The following DOCK1 variants were observed in gnomAD, a reference collection of about 807,000 sequenced individuals.
DOCK1 encodes the protein dedicator of cytokinesis protein 1.
A neutral mutation model predicts 262.7 loss-of-function variants in DOCK1; 138 were observed. The observed-to-expected ratio is 0.53, with a 90% CI of 0.46 to 0.61. The LOEUF (loss-of-function observed/expected upper bound fraction) is 0.61, where lower values mean the gene tolerates loss of function less well. Among genes scored for constraint, DOCK1 ranks in the 20% least tolerant of loss-of-function variants. The probability of loss-of-function intolerance (pLI) is 0.00; values close to 1 mark genes in which losing one functional copy is unlikely to be tolerated. For missense variants in DOCK1, 1,908 were observed against 2,370.7 expected, an observed-to-expected ratio of 0.80 and a Z score of 4.05; for synonymous variants, 866 against 867.4, an observed-to-expected ratio of 1.00 and a Z score of 0.03.
At chr10:127,385,073 A>G (rs1413270950) in intron 38 of DOCK1, among the ~76,000 whole-genome samples, 164 bp downstream of exon 38, 1 of 150,860 alleles carries the variant, frequency 6.6e-6, no homozygotes, top group Non-Finnish European at 1.5e-5. Context: ...ACTTAAAAGT[A>G]GAAATCTTCT....
At position 127,005,575 on chromosome 10, in the gene DOCK1, AT is replaced by A. The variant is rs368624805; in HGVS notation, c.986-3154del. On this transcript the variant is annotated intron_variant, in intron 10 of 51. Transcript: ENST00000623213. ...TCTTCGGTTGAAAAGAATGTGTCAC[AT>A]TTCTGTCTTTTAACCTTTTTATAAT... 8.4e-3 allele frequency among the ~76,000 whole-genome samples: 1,272 copies of A among 152,284 alleles called. 9 individuals carry two copies. The highest frequency in any genetic ancestry group is 0.022 in the African/African-American group (916 of 41,560).
intron 40 of DOCK1, among the ~76,000 whole-genome samples, chr10:127,407,171 G>A (rs1423690776): frequency 6.6e-6 from 1 of 152,100 alleles, no homozygotes; most frequent in African/African-American, 2.4e-5. Context: ...ATAAGCTGGG[G>A]CAAGGGAAGG....
intron 1 of DOCK1, among the ~76,000 whole-genome samples, chr10:126,951,419 G>A (rs1450308096): frequency 2.0e-5 from 3 of 151,406 alleles, no homozygotes; most frequent in Non-Finnish European, 4.4e-5. Context: ...ATTAGTGATA[G>A]TGGTGGTGGT....
intron 33 of DOCK1, among the ~76,000 whole-genome samples, chr10:127,365,667 G>A (rs2064866081): frequency 6.6e-6 from 1 of 152,152 alleles, no homozygotes; most frequent in East Asian, 1.9e-4. Flanking sequence ...ATAAGGTCAA[G>A]GGCAGTTAGA....
At chr10:127,200,878 C>T (rs2057421765) in intron 27 of DOCK1, among the ~76,000 whole-genome samples, 1 of 152,140 alleles carries the variant, frequency 6.6e-6, no homozygotes, top group Non-Finnish European at 1.5e-5. Context: ...AAGTCTCAGC[C>T]TCATTTCTCT....
At chr10:127,219,634 C>G (rs11016809) in intron 27 of DOCK1, among the ~76,000 whole-genome samples, 43,387 of 152,070 alleles carry the variant, frequency 0.29, 6,394 homozygotes, top group South Asian at 0.41. Context: ...TAACAACACC[C>G]CATTTCTCCC....
Position 127,433,297 on chromosome 10 carries a change from T to G in DOCK1, c.4929T>G (p.Asp1643Glu). Residue 1643 changes from aspartate to glutamate, a missense_variant, in exon 48 of 52, where the codon GAT (aspartate) becomes GAG (glutamate). Physicochemically the swap from Asp to Glu is conservative, Grantham distance 45 (BLOSUM62 2). This residue lies in a region of DOCK1 where 383 missense variants were observed against 420.1 expected (regional missense o/e 0.91). Coordinates refer to ENST00000623213, the MANE Select transcript of DOCK1 (RefSeq NM_001290223.2). ...CTCGCTCTCAGCCCTCAAGTCTGGA[T>G]GATAGAAGAGGCAGCCGCCCCCGGT... ...YGVRIMPSSL[D>E]DRRGSRPRSM... 6.2e-7 allele frequency: 1 copy of G among 1,614,016 alleles called. No individual in the cohort carries two copies. The highest frequency in any genetic ancestry group is 8.5e-7 in the Non-Finnish European group (1 of 1,179,882).
intron 38 of DOCK1, 126 bp downstream of exon 38, chr10:127,385,035 A>C (rs1277263114): frequency 2.4e-6 from 3 of 1,225,596 alleles, no homozygotes; most frequent in Non-Finnish European, 3.2e-6. Context: ...GTATATTGAA[A>C]TGTTTTATGC....
intron 27 of DOCK1, among the ~76,000 whole-genome samples, chr10:127,130,337 C>T (rs1214432667): frequency 1.3e-5 from 2 of 152,152 alleles, no homozygotes; most frequent in African/African-American, 2.4e-5. Context: ...CCATCCGCTT[C>T]GGCCTCCCAA....
At chr10:127,333,867 T>C (rs1283100923) in intron 29 of DOCK1, among the ~76,000 whole-genome samples, 1 of 152,196 alleles carries the variant, frequency 6.6e-6, no homozygotes, top group Non-Finnish European at 1.5e-5. Flanking sequence ...GATAACTTTG[T>C]ATCATGTGGT....
At chr10:127,309,878 C>CT (rs1213688949) in intron 29 of DOCK1, among the ~76,000 whole-genome samples, 4,650 of 141,360 alleles carry the variant, frequency 0.033, 210 homozygotes, top group African/African-American at 0.1. Flanking sequence ...ATACCATGTT[C>CT]TTTTTTTTTT....
rs573888516 is a variant in DOCK1, at chr10:127,182,167, G to C, written c.2847+54403G>C. Among the ~76,000 whole-genome samples the C allele has an allele frequency of 2.6e-5, 4 of 152,254 alleles. No homozygotes were observed. In the South Asian group the frequency reaches 8.3e-4, roughly 32 times the overall value. On this transcript the variant is annotated intron_variant, in intron 27 of 51. Transcript: ENST00000623213. ...ATTGCAGTGAAACCTCTGTCATTAA[G>C]AACTGATGACCACCTAGTCCAAAGC... is the stretch of plus-strand genomic sequence containing the variant.
chr10:126,952,961 T>TG (rs1236627871), intron 1 of DOCK1, among the ~76,000 whole-genome samples: 13 of 145,574 alleles, frequency 8.9e-5, no homozygotes, highest in African/African-American at 1.2e-4. Flanking sequence ...GGTAGTATTT[T>TG]TTGTTGGTGG....
intron 1 of DOCK1, among the ~76,000 whole-genome samples, chr10:126,941,622 G>A (rs982685767): frequency 2.0e-5 from 3 of 152,118 alleles, no homozygotes; most frequent in African/African-American, 4.8e-5. Flanking sequence ...CAGGCGTGGT[G>A]GCGGGTGCCT....
intron 1 of DOCK1, among the ~76,000 whole-genome samples, chr10:126,938,048 C>CTT (rs36168243): frequency 2.1e-5 from 3 of 143,216 alleles, no homozygotes; most frequent in African/African-American, 2.6e-5. Flanking sequence ...CCAGCTTCAT[C>CTT]TTTTTTTTTT....
chr10:127,231,505 C>T (rs1590045437), intron 27 of DOCK1, among the ~76,000 whole-genome samples: 1 of 121,280 alleles, frequency 8.2e-6, no homozygotes, highest in Non-Finnish European at 2.0e-5. Flanking sequence ...CTGCAGCCTC[C>T]ACTTCCTAGG....
chr10:127,074,389 C>T (rs781704240), intron 23 of DOCK1, among the ~76,000 whole-genome samples: 4 of 152,142 alleles, frequency 2.6e-5, no homozygotes, highest in Non-Finnish European at 5.9e-5. Context: ...CATGACATCA[C>T]TCAAGTCAGA....
chr10:127,221,421 A>C (rs1214215075), intron 27 of DOCK1, among the ~76,000 whole-genome samples: 1 of 152,152 alleles, frequency 6.6e-6, no homozygotes, highest in East Asian at 1.9e-4. Context: ...ATCCTCATGT[A>C]TGTTAACGTG....
At chr10:127,226,877 G>A (rs2058663135) in intron 27 of DOCK1, among the ~76,000 whole-genome samples, 1 of 152,080 alleles carries the variant, frequency 6.6e-6, no homozygotes, top group Non-Finnish European at 1.5e-5. Context: ...CACCTGGGAG[G>A]CATGCTATTG....
Sources: gnomAD v4.1 joint callset for allele counts (sites outside exome capture counted in the v4.1 genomes callset) on GRCh38, gnomAD v4.1.1 for gene constraint, gnomAD v4.1.1 regional missense constraint, MANE v1.5 for transcripts, NCBI Gene and HGNC (gene_info 2026-07-23, HGNC 2026-07-21) for gene names.